Variants in PPARGC1B observed in about 807,000 individuals in gnomAD.
PPARGC1B encodes peroxisome proliferator-activated receptor gamma coactivator 1-beta.
Under a neutral mutation model 101.6 loss-of-function variants are expected in PPARGC1B, and 34 were observed. The ratio of observed to expected loss-of-function variants is 0.33; its 90% CI spans 0.25 to 0.45. The LOEUF is 0.45. PPARGC1B is among the 20% of genes least tolerant of loss of function. The pLI, the probability that PPARGC1B is intolerant of heterozygous loss-of-function variation, is 1.00. For synonymous variants in PPARGC1B, 548 were observed against 539.3 expected (o/e 1.02, Z -0.22); for missense variants, 1,234 against 1,317.6 (o/e 0.94, Z 0.98).
rs147999303 is a variant in PPARGC1B at position 149,823,743 on chromosome 5, T to G, written c.253-2930T>G. On this transcript the variant is annotated intron_variant, in intron 2 of 11. Transcript: ENST00000309241. ...CCTCCCAGTCAGGCTCAGAGCTTCC[T>G]GCCCCACCTGGCTGTTTCAGTGGAG... 1.1e-4 allele frequency among the ~76,000 whole-genome samples: 17 copies of G among 152,264 alleles called. No homozygotes were observed. The East Asian group carries it at 3.3e-3, about 29-fold the overall frequency.
At chr5:149,771,135 G>A (rs952719670) in intron 1 of PPARGC1B, among the ~76,000 whole-genome samples, 15 of 152,208 alleles carry the variant, frequency 9.9e-5, no homozygotes, top group African/African-American at 3.6e-4. Context: ...CCCCGCCTGC[G>A]TGTGGGGGGC....
chr5:149,848,783 C>T lies in PPARGC1B; in HGVS notation c.*1225C>T, dbSNP rs1759669988. 6.6e-6 allele frequency: 1 copy of T among 152,238 alleles called. No individual in the cohort carries two copies. The highest frequency in any genetic ancestry group is 6.5e-5 in the Admixed American group (1 of 15,280). 9.4% of individuals were successfully genotyped at this position (152,238 alleles called of 1,614,324 possible). A position where few individuals can be genotyped will look rare whatever the true frequency, so the allele number is the denominator to read the frequency against. On this transcript the variant is annotated 3_prime_UTR_variant, in exon 12 of 12. Coordinates refer to ENST00000309241, the MANE Select transcript of PPARGC1B (RefSeq NM_133263.4). ...TTGGGCCAGCCACCAGCCCATCCTA[C>T]TCCCTCAGGTAGTCCTTCGTCTTTA...
Position 149,820,456 on chromosome 5 carries a change from ACTC to A in PPARGC1B, c.103_105del (p.Leu35del). 3 of 1,613,748 alleles carry A rather than the reference ACTC, an allele frequency of 1.9e-6. No individual in the cohort carries two copies. The highest frequency in any genetic ancestry group is 2.5e-6 in the Non-Finnish European group (3 of 1,179,962). ...AGGGTGGAGGGTCCGGGGAGGAGCA[ACTC>A]TATGCTGACTTTCCAGAACTTGACC... On this transcript the variant is annotated inframe_deletion, in exon 2 of 12. Transcript: ENST00000309241.
At position 149,836,999 on chromosome 5, in the gene PPARGC1B, C is replaced by G; in HGVS notation, c.2544C>G (p.Leu848=). The change falls in exon 8 of 12, where the codon CTC becomes CTG. Residue 848 remains leucine (L), a synonymous_variant. Transcript: ENST00000309241. ...CACCAAGCAAGGCCAACCGGCAGCT[C>G]TGTTCCCGCAGCCGCTCAAGCTCTG... ...QSPPSKANRQ[L]CSRSRSSSGS... 7 of 1,614,028 alleles carry G rather than the reference C, an allele frequency of 4.3e-6. No homozygotes were observed. The highest frequency in any genetic ancestry group is 5.1e-6 in the Non-Finnish European group (6 of 1,180,042).
intron 1 of PPARGC1B, among the ~76,000 whole-genome samples, chr5:149,807,837 C>T (rs1301679274): frequency 6.6e-6 from 1 of 152,094 alleles, no homozygotes; most frequent in Non-Finnish European, 1.5e-5. Context: ...TGGCGTGACC[C>T]GAGACATGGT....
chr5:149,809,780 G>T (rs934799072), intron 1 of PPARGC1B, among the ~76,000 whole-genome samples: 7 of 151,874 alleles, frequency 4.6e-5, no homozygotes, highest in African/African-American at 1.7e-4. Context: ...AGGAGGCAGG[G>T]GATAGCAGAG....
chr5:149,796,364 G>T (rs537567710), intron 1 of PPARGC1B, among the ~76,000 whole-genome samples: 8 of 152,324 alleles, frequency 5.3e-5, no homozygotes, highest in African/African-American at 1.9e-4. Context: ...CTGTGGCATG[G>T]TCAGTGAGGC....
At chr5:149,794,524 G>GCACACACACACACACACA (rs35484083) in intron 1 of PPARGC1B, among the ~76,000 whole-genome samples, 2 of 143,560 alleles carry the variant, frequency 1.4e-5, no homozygotes, top group East Asian at 2.2e-4. Flanking sequence ...ATGTGAGCGT[G>GCACACACACACACACACA]CACACACACA....
intron 2 of PPARGC1B, among the ~76,000 whole-genome samples, chr5:149,824,728 G>A (rs896184811): frequency 2.6e-5 from 4 of 152,168 alleles, no homozygotes; most frequent in African/African-American, 9.7e-5. Flanking sequence ...GGTAGGGGGT[G>A]GGGGCAGCCA....
intron 1 of PPARGC1B, chr5:149,772,098 G>T: frequency 6.3e-7 from 1 of 1,584,510 alleles, no homozygotes; most frequent in Non-Finnish European, 8.6e-7. Flanking sequence ...TCTGGGTTGG[G>T]GCTGCCCCAG....
chr5:149,848,464 G>A lies in PPARGC1B; in HGVS notation c.*906G>A, dbSNP rs1220344097. 2.6e-5 allele frequency: 4 copies of A among 152,236 alleles called. No homozygotes were observed. In the East Asian group the frequency reaches 7.7e-4, roughly 29 times the overall value. The allele number at this position is 152,236 out of a possible 1,614,324, so 9.4% of individuals were successfully genotyped here. On this transcript the variant is annotated 3_prime_UTR_variant, in exon 12 of 12. Coordinates refer to ENST00000309241, the MANE Select transcript of PPARGC1B (RefSeq NM_133263.4). ...ACCCAGACCAGGCCTTCTGGTTCTT[G>A]GTCCCGTGCTTCCGTAGTAGCTGGG...
At chr5:149,780,104 G>A (rs1320614446) in intron 1 of PPARGC1B, among the ~76,000 whole-genome samples, 1 of 152,210 alleles carries the variant, frequency 6.6e-6, no homozygotes, top group Non-Finnish European at 1.5e-5. Context: ...TAGGCCCACA[G>A]GTACAAAGCC....
At chr5:149,845,578 C>A in intron 10 of PPARGC1B, 182 bp from the exon 11 acceptor site, 1 of 608,322 alleles carries the variant, frequency 1.6e-6, no homozygotes, top group South Asian at 2.4e-5. Flanking sequence ...AACATATTAG[C>A]TGCTTTCATT....
intron 1 of PPARGC1B, among the ~76,000 whole-genome samples, chr5:149,812,993 A>T (rs78165425): frequency 6.6e-6 from 1 of 152,224 alleles, no homozygotes; most frequent in Non-Finnish European, 1.5e-5. Context: ...GTGGGACTTC[A>T]TAGGTATTTC....
At chr5:149,826,123 A>G (rs1454826642) in intron 2 of PPARGC1B, among the ~76,000 whole-genome samples, 1 of 152,062 alleles carries the variant, frequency 6.6e-6, no homozygotes. Context: ...GTGTCTAATC[A>G]CCATAGTTGC....
intron 1 of PPARGC1B, among the ~76,000 whole-genome samples, chr5:149,786,016 T>C (rs1756793656): frequency 6.6e-6 from 1 of 151,692 alleles, no homozygotes; most frequent in Non-Finnish European, 1.5e-5. Flanking sequence ...CCTCCCGGGC[T>C]CAAGGGATAT....
intron 4 of PPARGC1B, among the ~76,000 whole-genome samples, chr5:149,831,288 T>C (rs1561604745): frequency 1.3e-5 from 2 of 152,152 alleles, no homozygotes; most frequent in African/African-American, 4.8e-5. Context: ...AGCTCTGCCA[T>C]AGACATCCAG....
chr5:149,812,287 T>G (rs1346207491), intron 1 of PPARGC1B, among the ~76,000 whole-genome samples: 2 of 152,242 alleles, frequency 1.3e-5, no homozygotes, highest in Non-Finnish European at 2.9e-5. Flanking sequence ...GTCTGGAGTT[T>G]AACTTTGTGT....
chr5:149,743,300 C>T lies in PPARGC1B; in HGVS notation c.78+12880C>T, dbSNP rs1303662619. Among the ~76,000 whole-genome samples, 13 of 151,858 alleles carry T rather than the reference C, an allele frequency of 8.6e-5. No individual in the cohort carries two copies. The South Asian group carries it at 2.1e-3, about 24-fold the overall frequency. The stretch of plus-strand genomic sequence containing the variant: ...CCTCCTGAGTAGCTGGGATTACAGA[C>T]GCCCACCACCACGCCTGGCTAATTT... On this transcript the variant is annotated intron_variant, in intron 1 of 11. Transcript: ENST00000309241.
Sources: gnomAD v4.1 joint callset for allele counts (sites outside exome capture counted in the v4.1 genomes callset) on GRCh38, gnomAD v4.1.1 for gene constraint, MANE v1.5 for transcripts, NCBI Gene and HGNC (gene_info 2026-07-23, HGNC 2026-07-21) for gene names.